The following GABRA4 variants were observed in gnomAD, a reference collection of about 807,000 sequenced individuals.
GABRA4 encodes gamma-aminobutyric acid receptor subunit alpha-4.
In GABRA4, 12 loss-of-function variants were observed where a neutral mutation model predicts 49.7. The observed-to-expected ratio is 0.24, with a 90% CI of 0.15 to 0.39. The LOEUF is 0.39. Among genes scored for constraint, GABRA4 ranks in the 10% least tolerant of loss-of-function variants. The pLI is 1.00. For missense variants in GABRA4, 506 were observed against 686.0 expected, an observed-to-expected ratio of 0.74 and a Z score of 2.93; for synonymous variants, 288 against 240.2, an observed-to-expected ratio of 1.20 and a Z score of -1.84.
chr4:46,969,169 A>G (rs1722864294), intron 7 of GABRA4, among the ~76,000 whole-genome samples: 1 of 151,528 alleles, frequency 6.6e-6, no homozygotes, highest in African/African-American at 2.4e-5. Flanking sequence ...TTCTGCCTCC[A>G]CATTCTGCAC....
intron 8 of GABRA4, among the ~76,000 whole-genome samples, chr4:46,950,613 A>G (rs111998928): frequency 0.029 from 4,473 of 151,796 alleles, 77 homozygotes; most frequent in Middle Eastern, 0.12. Flanking sequence ...TCTCAGGCTC[A>G]TTTCTTCATG....
chr4:46,977,403 AT>A lies in GABRA4; in HGVS notation c.494+6del, dbSNP rs773618234. ...AAAGGAAGGGAAGAAGTAAAAAAAA[AT>A]ATTACCTCATTGTGTATAAAATAGT... On this transcript the variant is annotated splice_donor_region_variant and intron_variant, in intron 4 of 8. Coordinates refer to ENST00000264318, the MANE Select transcript of GABRA4 (RefSeq NM_000809.4). 46 of 1,430,016 alleles carry A rather than the reference AT, an allele frequency of 3.2e-5. No individual in the cohort carries two copies. The highest frequency in any genetic ancestry group is 2.9e-4 in the African/African-American group (20 of 69,540). 88.6% of individuals were successfully genotyped at this position (1,430,016 alleles called of 1,614,324 possible).
At chr4:46,986,294 C>T (rs1723534623) in intron 2 of GABRA4, among the ~76,000 whole-genome samples, 1 of 152,058 alleles carries the variant, frequency 6.6e-6, no homozygotes, top group Non-Finnish European at 1.5e-5. Context: ...CTCAATCAGA[C>T]TTTCACACCC....
chr4:46,987,430 C>A (rs1193374919), intron 2 of GABRA4, among the ~76,000 whole-genome samples: 1 of 152,150 alleles, frequency 6.6e-6, no homozygotes, highest in Non-Finnish European at 1.5e-5. Context: ...ACATCTGGCA[C>A]ACACACTATA....
intron 8 of GABRA4, among the ~76,000 whole-genome samples, chr4:46,940,639 T>C (rs1721757870): frequency 6.6e-6 from 1 of 152,098 alleles, no homozygotes; most frequent in African/African-American, 2.4e-5. Flanking sequence ...ACTCCATCTA[T>C]AGTAAAACAG....
At chr4:46,941,378 T>C (rs1020284243) in intron 8 of GABRA4, among the ~76,000 whole-genome samples, 3 of 152,234 alleles carry the variant, frequency 2.0e-5, no homozygotes, top group African/African-American at 7.2e-5. Flanking sequence ...TTATTTAGCC[T>C]TCCTGTGCTT....
At chr4:46,975,212 G>A (rs1025472668) in intron 5 of GABRA4, among the ~76,000 whole-genome samples, 4 of 151,856 alleles carry the variant, frequency 2.6e-5, no homozygotes, top group African/African-American at 9.7e-5. Flanking sequence ...ATCCTAAAAT[G>A]GCTATAGCAT....
At chr4:46,952,469 A>G (rs954742644) in intron 8 of GABRA4, among the ~76,000 whole-genome samples, 1 of 152,126 alleles carries the variant, frequency 6.6e-6, no homozygotes, top group Non-Finnish European at 1.5e-5. Flanking sequence ...TCTTTTTCCA[A>G]AGACATTTTT....
chr4:46,960,800 G>A (rs976922131), intron 8 of GABRA4, among the ~76,000 whole-genome samples: 1 of 151,508 alleles, frequency 6.6e-6, no homozygotes, highest in African/African-American at 2.4e-5. Context: ...CTAATAAGAG[G>A]CAAACTCAAG....
At chr4:46,988,717 C>T (rs1723630719) in intron 2 of GABRA4, among the ~76,000 whole-genome samples, 1 of 152,076 alleles carries the variant, frequency 6.6e-6, no homozygotes, top group South Asian at 2.1e-4. Flanking sequence ...TGTAGTTTTG[C>T]TTATTTTAAG....
At chr4:46,944,835 G>A (rs903651542) in intron 8 of GABRA4, among the ~76,000 whole-genome samples, 12 of 152,058 alleles carry the variant, frequency 7.9e-5, no homozygotes, top group African/African-American at 1.2e-4. Flanking sequence ...CATTCAGCAC[G>A]CTTGTGTGAG....
chr4:46,972,040 G>A (rs1258038355), intron 6 of GABRA4, among the ~76,000 whole-genome samples: 5 of 151,516 alleles, frequency 3.3e-5, no homozygotes, highest in Non-Finnish European at 7.4e-5. Context: ...CAAACCATGA[G>A]GCCAGCATTC....
intron 8 of GABRA4, among the ~76,000 whole-genome samples, chr4:46,938,373 C>T (rs1281402689): frequency 1.3e-5 from 2 of 152,006 alleles, no homozygotes; most frequent in Non-Finnish European, 2.9e-5. Flanking sequence ...ATAGGAGGCT[C>T]GCATAGCAAG....
chr4:46,988,046 A>T (rs1723604138), intron 2 of GABRA4, among the ~76,000 whole-genome samples: 1 of 152,020 alleles, frequency 6.6e-6, no homozygotes, highest in Admixed American at 6.6e-5. Context: ...ACATCACACT[A>T]ACCTATTATC....
chr4:46,944,009 G>A (rs1412199903), intron 8 of GABRA4, among the ~76,000 whole-genome samples: 2 of 151,816 alleles, frequency 1.3e-5, no homozygotes, highest in Admixed American at 1.3e-4. Context: ...TTGTTTAAAG[G>A]GTACAATATT....
intron 8 of GABRA4, among the ~76,000 whole-genome samples, chr4:46,933,647 C>A (rs1721516000): frequency 6.6e-6 from 1 of 152,124 alleles, no homozygotes; most frequent in Non-Finnish European, 1.5e-5. Flanking sequence ...ATCTATCTGG[C>A]ACACGACTCA....
At chr4:46,987,458 A>T (rs945989125) in intron 2 of GABRA4, among the ~76,000 whole-genome samples, 2 of 152,054 alleles carry the variant, frequency 1.3e-5, no homozygotes, top group African/African-American at 4.8e-5. Flanking sequence ...TATTTCTGTT[A>T]CTTATTTTCT....
At chr4:46,991,886 C>T (rs113342760) in intron 2 of GABRA4, among the ~76,000 whole-genome samples, 4 of 152,276 alleles carry the variant, frequency 2.6e-5, no homozygotes, top group African/African-American at 9.6e-5. Context: ...TGAATGTAAG[C>T]TCCTTTAAGG....
At chr4:46,958,215 C>T (rs1485822359) in intron 8 of GABRA4, among the ~76,000 whole-genome samples, 2 of 151,868 alleles carry the variant, frequency 1.3e-5, no homozygotes, top group African/African-American at 4.8e-5. Flanking sequence ...TATCACCTAA[C>T]AACTGCAAAC....
Sources: allele counts gnomAD v4.1 joint callset (sites outside exome capture counted in the v4.1 genomes callset), GRCh38; gene constraint gnomAD v4.1.1; transcripts MANE v1.5; gene names NCBI Gene and HGNC (gene_info 2026-07-23, HGNC 2026-07-21).